PUM2: variants seen among roughly 807,000 people sequenced by gnomAD.
The protein encoded by PUM2 is pumilio RNA binding family member 2, also known as pumilio homolog 2.
A neutral mutation model predicts 124.5 loss-of-function variants in PUM2; 57 were observed. The ratio of observed to expected loss-of-function variants is 0.46; its 90% CI spans 0.37 to 0.57. The LOEUF (loss-of-function observed/expected upper bound fraction) is 0.57. PUM2 is among the 20% of genes least tolerant of loss of function. The pLI, the probability that PUM2 is intolerant of heterozygous loss-of-function variation, is 0.00. For missense variants in PUM2, 1,065 were observed against 1,290.6 expected, an observed-to-expected ratio of 0.83 and a Z score of 2.68; for synonymous variants, 460 against 446.1, an observed-to-expected ratio of 1.03 and a Z score of -0.39.
chr2:20,288,754 A>G (rs1673304665), intron 10 of PUM2, among the ~76,000 whole-genome samples: 1 of 152,230 alleles, frequency 6.6e-6, no homozygotes, highest in African/African-American at 2.4e-5. Flanking sequence ...CATTAGCTTT[A>G]TAACTATGTA....
chr2:20,282,782 T>G (rs1030882182), intron 12 of PUM2, among the ~76,000 whole-genome samples, 165 bp downstream of exon 12: 2 of 152,162 alleles, frequency 1.3e-5, no homozygotes, highest in African/African-American at 4.8e-5. Flanking sequence ...TGGTGAGTGT[T>G]GAAAAGATTT....
chr2:20,350,290 G>A (rs1034732935), intron 1 of PUM2: 1 of 213,198 alleles, frequency 4.7e-6, no homozygotes, highest in African/African-American at 2.4e-5. Flanking sequence ...CTAACCTCCA[G>A]CGCGCCGAAT....
rs576648794 is a variant in PUM2, at chr2:20,248,919, T to C, written c.*2666A>G. On this transcript the variant is annotated 3_prime_UTR_variant, in exon 21 of 21. Coordinates refer to ENST00000361078, the MANE Select transcript of PUM2 (RefSeq NM_015317.5). ...GTAAAGCCTAGGTAGTTTTGCCCAATTGTTTTATTCTGAAATGTGATTTTC... is the reference window on the plus strand; with the variant it reads ...GTAAAGCCTAGGTAGTTTTGCCCAACTGTTTTATTCTGAAATGTGATTTTC... 2 of 152,656 alleles carry C rather than the reference T, an allele frequency of 1.3e-5. No individual in the cohort carries two copies. Among genetic ancestry groups the C allele is most frequent in the Admixed American group, 6.5e-5 (1 of 15,306 alleles). The allele number at this position is 152,656 out of a possible 1,614,324, so 9.5% of individuals were successfully genotyped here. A position where few individuals can be genotyped will look rare whatever the true frequency, so the allele number is the denominator to read the frequency against.
chr2:20,316,813 C>A (rs373767799), intron 3 of PUM2, among the ~76,000 whole-genome samples: 14 of 152,108 alleles, frequency 9.2e-5, no homozygotes, highest in African/African-American at 3.4e-4. Flanking sequence ...AGGCAGATCA[C>A]CTGAGGTAAG....
At chr2:20,343,447 T>G (rs1221926765) in intron 1 of PUM2, among the ~76,000 whole-genome samples, 3 of 151,962 alleles carry the variant, frequency 2.0e-5, no homozygotes, top group Non-Finnish European at 2.9e-5. Flanking sequence ...TAAAAATAAC[T>G]AAGTAATTTA....
At chr2:20,281,571 G>A (rs1173666036) in intron 12 of PUM2, among the ~76,000 whole-genome samples, 1 of 152,098 alleles carries the variant, frequency 6.6e-6, no homozygotes, top group Non-Finnish European at 1.5e-5. Context: ...GTTTTCCTCA[G>A]AATATTTAGG....
chr2:20,278,639 G>A lies in PUM2; in HGVS notation c.1901C>T (p.Ser634Leu). 1.9e-6 allele frequency: 3 copies of A among 1,613,442 alleles called. No individual in the cohort carries two copies. Among genetic ancestry groups the A allele is most frequent in the Non-Finnish European group, 2.5e-6 (3 of 1,179,650 alleles). ...TGAAAGTGATGGCGGTGGCGTAAGT[G>A]AATGTCCTGGAGTTTGGCTTGGCAG... ...MPLPSQTPGH[S>L]LTPPPSLSSH... Residue 634 changes from serine (S) to leucine (L), a missense_variant, in exon 13 of 21, where the codon TCA becomes TTA. By Grantham distance (145) the Ser-to-Leu change is moderately radical (BLOSUM62 -2). Coordinates refer to ENST00000361078, the MANE Select transcript of PUM2 (RefSeq NM_015317.5).
chr2:20,277,020 T>C (rs555005514), intron 13 of PUM2, among the ~76,000 whole-genome samples: 5 of 152,168 alleles, frequency 3.3e-5, no homozygotes, highest in African/African-American at 4.8e-5. Flanking sequence ...TGTTCAATCA[T>C]AGAGACATCT....
intron 7 of PUM2, among the ~76,000 whole-genome samples, chr2:20,300,952 C>T (rs1676827348): frequency 6.6e-6 from 1 of 152,138 alleles, no homozygotes; most frequent in East Asian, 1.9e-4. Context: ...CTGATTATTC[C>T]CGTAAATTGT....
intron 3 of PUM2, among the ~76,000 whole-genome samples, chr2:20,313,014 T>C (rs1453133652): frequency 1.3e-5 from 2 of 152,184 alleles, no homozygotes; most frequent in East Asian, 3.8e-4. Flanking sequence ...TAGCCATATG[T>C]AGAAAGCTGA....
chr2:20,281,601 C>G (rs1455281227), intron 12 of PUM2, among the ~76,000 whole-genome samples: 1 of 152,080 alleles, frequency 6.6e-6, no homozygotes, highest in East Asian at 1.9e-4. Context: ...AGAAAATGTC[C>G]CAATTGTGTT....
intron 2 of PUM2, among the ~76,000 whole-genome samples, chr2:20,319,003 C>A (rs1400680451): frequency 6.6e-6 from 1 of 152,176 alleles, no homozygotes; most frequent in East Asian, 1.9e-4. Flanking sequence ...CCCTTCACTT[C>A]CAAGTCCTCT....
chr2:20,342,964 C>CAT (rs1254090966), intron 1 of PUM2, among the ~76,000 whole-genome samples: 1 of 152,084 alleles, frequency 6.6e-6, no homozygotes, highest in African/African-American at 2.4e-5. Flanking sequence ...AGTATTAAAT[C>CAT]ATATATATAT....
downstream of PUM2, chr2:20,248,718 A>C (rs1662571166): frequency 6.5e-6 from 1 of 152,680 alleles, no homozygotes; most frequent in Non-Finnish European, 1.5e-5. Context: ...TTTTATCTAG[A>C]GAAAAACACA....
At chr2:20,263,605 G>A in intron 13 of PUM2, 145 bp from the exon 14 acceptor site, 14 of 972,802 alleles carry the variant, frequency 1.4e-5, no homozygotes, top group Non-Finnish European at 2.1e-5. Context: ...AAAATTGGGA[G>A]GGGAAAATCT....
chr2:20,330,572 G>A (rs1265246400), intron 1 of PUM2, among the ~76,000 whole-genome samples: 1 of 152,226 alleles, frequency 6.6e-6, no homozygotes, highest in African/African-American at 2.4e-5. Context: ...GAGGTTCCTG[G>A]AGAGTGGCCT....
chr2:20,323,831 A>G (rs74664186), intron 2 of PUM2, among the ~76,000 whole-genome samples: 2,163 of 151,368 alleles, frequency 0.014, 64 homozygotes, highest in East Asian at 0.11. Context: ...ACTACCATAA[A>G]AGAGTTCTTT....
chr2:20,335,819 CT>C (rs1685874055), intron 1 of PUM2, among the ~76,000 whole-genome samples: 1 of 152,208 alleles, frequency 6.6e-6, no homozygotes, highest in Non-Finnish European at 1.5e-5. Context: ...AAGCTCAAAT[CT>C]TTTAATGTTT....
chr2:20,315,755 G>A lies in PUM2; in HGVS notation c.160+2782C>T, dbSNP rs1680736952. Among the ~76,000 whole-genome samples, 4 of 145,340 alleles carry A rather than the reference G, an allele frequency of 2.8e-5. No individual in the cohort carries two copies. The South Asian group carries it at 8.6e-4, about 31-fold the overall frequency. On this transcript the variant is annotated intron_variant, in intron 3 of 20. Transcript: ENST00000361078. ...GCAGGTGGATTGTTTGAGCTCAGGG[G>A]TTTGCGACAAGCCTCGGCAACATGG...
Sources: gnomAD v4.1 joint callset for allele counts (sites outside exome capture counted in the v4.1 genomes callset) on GRCh38, gnomAD v4.1.1 for gene constraint, MANE v1.5 for transcripts, NCBI Gene and HGNC (gene_info 2026-07-23, HGNC 2026-07-21) for gene names.